UGT1A6: variants seen among roughly 807,000 people sequenced by gnomAD.
UGT1A6 encodes UDP glucuronosyltransferase family 1 member A6, also known as UDP-glucuronosyltransferase 1A6.
Under a neutral mutation model 44.4 loss-of-function variants are expected in UGT1A6, and 32 were observed. The ratio of observed to expected loss-of-function variants is 0.72; its 90% confidence interval spans 0.54 to 0.97. The LOEUF (loss-of-function observed/expected upper bound fraction) is 0.97, where lower values mean the gene tolerates loss of function less well. Among genes scored for constraint, UGT1A6 ranks in the 50% least tolerant of loss-of-function variants. The pLI is 0.00. For synonymous variants in UGT1A6, 238 were observed against 248.5 expected (o/e 0.96, Z 0.40); for missense variants, 685 against 661.9 (o/e 1.03, Z -0.38).
Position 233,772,634 on chromosome 2 carries a change from T to C in UGT1A6, c.*75T>C. On this transcript the variant is annotated 3_prime_UTR_variant, in exon 5 of 5. Transcript: ENST00000305139. ...CCAAACTTGAAAACAGAATCAGTGT[T>C]AAATTCATTTTATTCTTATTAAGGA... The C allele has an allele frequency of 6.4e-7, 1 of 1,555,940 alleles. No individual in the cohort carries two copies. The highest frequency in any genetic ancestry group is 2.4e-5 in the East Asian group (1 of 41,342).
intron 1 of UGT1A6, among the ~76,000 whole-genome samples, chr2:233,703,320 AT>A (rs36043462): frequency 0.15 from 22,518 of 151,968 alleles, 1,958 homozygotes; most frequent in South Asian, 0.24. Context: ...ATTTTTAGCA[AT>A]TTTGAGTCTT....
chr2:233,754,914 A>T, intron 1 of UGT1A6: 1 of 1,353,596 alleles, frequency 7.4e-7, no homozygotes. Flanking sequence ...AATATTCTCC[A>T]GCGGGTTTCC....
intron 1 of UGT1A6, chr2:233,713,228 G>C (rs200357281): frequency 7.1e-5 from 114 of 1,614,178 alleles, no homozygotes; most frequent in South Asian, 3.1e-4. Flanking sequence ...CCCTGACAAC[G>C]TATGCCATTT....
At chr2:233,710,883 A>G (rs916106723) in intron 1 of UGT1A6, among the ~76,000 whole-genome samples, 10 of 152,160 alleles carry the variant, frequency 6.6e-5, no homozygotes, top group African/African-American at 2.4e-4. Context: ...AAACAGTTTA[A>G]GTTTGTAGGT....
intron 1 of UGT1A6, chr2:233,741,630 C>G (rs1050074339): frequency 1.3e-5 from 2 of 151,896 alleles, no homozygotes; most frequent in African/African-American, 4.9e-5. Flanking sequence ...CCATGAGCCC[C>G]TGTGGGATGG....
chr2:233,747,765 A>T, intron 1 of UGT1A6: 1 of 1,613,500 alleles, frequency 6.2e-7, no homozygotes, highest in Non-Finnish European at 8.5e-7. Context: ...CTTTAAGGGC[A>T]CACAGTGTCC....
At chr2:233,753,812 C>G (rs1215022778) in intron 1 of UGT1A6, among the ~76,000 whole-genome samples, 1 of 152,152 alleles carries the variant, frequency 6.6e-6, no homozygotes, top group Non-Finnish European at 1.5e-5. Flanking sequence ...AGTTGGAGAA[C>G]CACGTTAGGG....
chr2:233,739,902 C>T (rs1181002925), intron 1 of UGT1A6, among the ~76,000 whole-genome samples: 2 of 151,866 alleles, frequency 1.3e-5, no homozygotes, highest in Non-Finnish European at 2.9e-5. Context: ...AATCTCATCT[C>T]ATATTGTAAT....
At chr2:233,708,356 T>G (rs1559355777) in intron 1 of UGT1A6, 1 of 152,248 alleles carries the variant, frequency 6.6e-6, no homozygotes, top group Non-Finnish European at 1.5e-5. Flanking sequence ...TTTCCCTTAT[T>G]AATTCTTCAT....
chr2:233,700,600 C>G (rs1244417909), intron 1 of UGT1A6, among the ~76,000 whole-genome samples: 1 of 152,134 alleles, frequency 6.6e-6, no homozygotes, highest in African/African-American at 2.4e-5. Context: ...ATACAATTCA[C>G]TCTTTTTTTG....
At chr2:233,695,426 CTT>C (rs2075288031) in intron 1 of UGT1A6, among the ~76,000 whole-genome samples, 2 of 76,626 alleles carry the variant, frequency 2.6e-5, no homozygotes, top group Non-Finnish European at 6.3e-5. Context: ...GCCCGGCCTT[CTT>C]CTTCTTCTTT....
chr2:233,763,832 A>C (rs1698407491), intron 1 of UGT1A6, among the ~76,000 whole-genome samples: 2 of 152,232 alleles, frequency 1.3e-5, no homozygotes, highest in South Asian at 4.1e-4. Context: ...CTCCCCTGCC[A>C]GGGTAAGATA....
At chr2:233,698,914 C>G (rs12471030) in intron 1 of UGT1A6, among the ~76,000 whole-genome samples, 1 of 152,110 alleles carries the variant, frequency 6.6e-6, no homozygotes, top group Admixed American at 6.5e-5. Flanking sequence ...CAAGGAGGGA[C>G]GTGGCCGTCT....
intron 1 of UGT1A6, among the ~76,000 whole-genome samples, chr2:233,749,246 T>C (rs765293150): frequency 2.6e-5 from 4 of 151,942 alleles, no homozygotes; most frequent in East Asian, 1.9e-4. Flanking sequence ...TCAAACCACA[T>C]GATTTTTTTA....
intron 1 of UGT1A6, among the ~76,000 whole-genome samples, chr2:233,728,112 T>C (rs892506440): frequency 1.3e-5 from 2 of 152,198 alleles, no homozygotes; most frequent in African/African-American, 2.4e-5. Flanking sequence ...TAATTCTCCA[T>C]CTTGAAATTT....
chr2:233,757,535 AATATATATATATAT>A (rs67292694), intron 1 of UGT1A6, among the ~76,000 whole-genome samples: 1 of 88,312 alleles, frequency 1.1e-5, no homozygotes, highest in South Asian at 5.2e-4. Flanking sequence ...GCCTGTAAGG[AATATATATATATAT>A]ATATATATAT....
chr2:233,695,265 A>G (rs1276719886), intron 1 of UGT1A6, among the ~76,000 whole-genome samples: 2 of 151,894 alleles, frequency 1.3e-5, no homozygotes, highest in African/African-American at 4.8e-5. Context: ...AGCTGGGACT[A>G]TAGGCATGTG....
intron 4 of UGT1A6, chr2:233,770,675 A>T (rs1188149827): frequency 6.6e-6 from 1 of 151,870 alleles, no homozygotes; most frequent in African/African-American, 2.4e-5. Flanking sequence ...AAAAAAAAAA[A>T]GAAGGTTCCA....
At chr2:233,737,721 C>CA (rs1559381748) in intron 1 of UGT1A6, among the ~76,000 whole-genome samples, 2 of 151,324 alleles carry the variant, frequency 1.3e-5, no homozygotes, top group Non-Finnish European at 3.0e-5. Flanking sequence ...CCAACACCTC[C>CA]TTTTTTTTTC....
Sources: gnomAD v4.1 joint callset for allele counts (sites outside exome capture counted in the v4.1 genomes callset) on GRCh38, gnomAD v4.1.1 for gene constraint, MANE v1.5 for transcripts, NCBI Gene and HGNC (gene_info 2026-07-23, HGNC 2026-07-21) for gene names.